Variants in LRRC4C observed in about 807,000 individuals in gnomAD.
The protein encoded by LRRC4C is leucine-rich repeat-containing protein 4C.
In LRRC4C, 5 loss-of-function variants were observed where a neutral mutation model predicts 33.6. The ratio of observed to expected loss-of-function variants is 0.15; its 90% CI spans 0.08 to 0.31. LRRC4C has a LOEUF of 0.31. Ranked by LOEUF, LRRC4C falls within the 10% of genes least tolerant of loss-of-function variation. LRRC4C has a pLI of 1.00. For missense variants in LRRC4C, 560 were observed against 796.7 expected (o/e 0.70, Z 3.58); for synonymous variants, 329 against 302.0 (o/e 1.09, Z -0.93).
chr11:41,206,311 C>T (rs1032697370), intron 1 of LRRC4C, among the ~76,000 whole-genome samples: 1 of 152,156 alleles, frequency 6.6e-6, no homozygotes, highest in Non-Finnish European at 1.5e-5. Context: ...AAAGCTGTTT[C>T]TCACAGGCAG....
intron 3 of LRRC4C, among the ~76,000 whole-genome samples, chr11:40,490,903 C>G (rs139773195): frequency 2.0e-5 from 3 of 152,024 alleles, no homozygotes; most frequent in Non-Finnish European, 4.4e-5. Flanking sequence ...ATATGGATTA[C>G]TCCTGAGTGA....
intron 5 of LRRC4C, among the ~76,000 whole-genome samples, chr11:40,197,907 G>A (rs1862394003): frequency 6.6e-6 from 1 of 152,090 alleles, no homozygotes; most frequent in African/African-American, 2.4e-5. Flanking sequence ...CCTATTATGT[G>A]CCAAATACTA....
intron 2 of LRRC4C, among the ~76,000 whole-genome samples, chr11:40,675,085 T>A (rs931427250): frequency 3.3e-5 from 5 of 152,154 alleles, no homozygotes; most frequent in Non-Finnish European, 5.9e-5. Context: ...ACTTTTAAAT[T>A]TATTTCATTG....
intron 1 of LRRC4C, among the ~76,000 whole-genome samples, chr11:41,404,468 ATGTGTGTGTGTGTC>A (rs1225097683): frequency 3.1e-5 from 4 of 127,478 alleles, no homozygotes; most frequent in Admixed American, 1.5e-4. Context: ...CCCCAGGGCT[ATGTGTGTGTGTGTC>A]TGTGTGTGTG....
chr11:41,011,799 T>A (rs1396350338), intron 1 of LRRC4C, among the ~76,000 whole-genome samples: 6 of 142,322 alleles, frequency 4.2e-5, no homozygotes, highest in Admixed American at 2.8e-4. Context: ...CACTTAAAAT[T>A]AAAAAAAAAA....
intron 1 of LRRC4C, among the ~76,000 whole-genome samples, chr11:41,227,767 G>A (rs1947607427): frequency 1.3e-5 from 2 of 151,998 alleles, no homozygotes; most frequent in Non-Finnish European, 2.9e-5. Flanking sequence ...TTTCTCCTCA[G>A]AGTGAAAGCC....
chr11:40,840,206 C>T (rs4427557), intron 2 of LRRC4C, among the ~76,000 whole-genome samples: 5,256 of 152,184 alleles, frequency 0.035, 140 homozygotes, highest in Admixed American at 0.085. Context: ...AGTATTAAGA[C>T]AGCAAATCCT....
At chr11:40,675,713 T>A (rs2136297657) in intron 2 of LRRC4C, among the ~76,000 whole-genome samples, 1 of 152,316 alleles carries the variant, frequency 6.6e-6, no homozygotes, top group South Asian at 2.1e-4. Flanking sequence ...ACTCAACAAC[T>A]ATTTACAGAA....
chr11:41,030,776 T>C (rs1856678881), intron 1 of LRRC4C, among the ~76,000 whole-genome samples: 1 of 151,774 alleles, frequency 6.6e-6, no homozygotes, highest in South Asian at 2.1e-4. Flanking sequence ...TGTATGTATA[T>C]AAATCTGTGG....
In LRRC4C at chr11:40,147,926, G is replaced by A. The variant is rs534289785; in HGVS notation, c.-95-7073C>T. 6.6e-5 allele frequency among the ~76,000 whole-genome samples: 10 copies of A among 152,126 alleles called. No homozygotes were observed. The East Asian group carries it at 1.7e-3, about 26-fold the overall frequency. ...CTCACCCTGATAGGCCCCAGTGTGT[G>A]TTGTTCCCCTCTGTGTGTCCATGTG... On this transcript the variant is annotated intron_variant, in intron 5 of 6. Coordinates refer to ENST00000528697, the MANE Select transcript of LRRC4C (RefSeq NM_001258419.2).
intron 3 of LRRC4C, among the ~76,000 whole-genome samples, chr11:40,445,143 T>G (rs993191226): frequency 2.0e-5 from 3 of 152,138 alleles, no homozygotes; most frequent in Admixed American, 6.6e-5. Context: ...CCTATAAAAA[T>G]CTCAGTTTTG....
intron 1 of LRRC4C, among the ~76,000 whole-genome samples, chr11:40,984,363 AAAAGAAAGAAAGAAAG>A (rs61226519): frequency 0.011 from 1,329 of 120,378 alleles, 11 homozygotes; most frequent in Non-Finnish European, 0.015. Context: ...AAAGAAAGAA[AAAAGAAAGAAAGAAAG>A]AAAGAAAGAA....
At chr11:40,315,777 T>C (rs1945545544) in intron 4 of LRRC4C, among the ~76,000 whole-genome samples, 1 of 151,978 alleles carries the variant, frequency 6.6e-6, no homozygotes, top group Non-Finnish European at 1.5e-5. Context: ...ACGTAACATA[T>C]AGGTCTCTGA....
chr11:41,379,301 C>G (rs190371207), intron 1 of LRRC4C, among the ~76,000 whole-genome samples: 117 of 152,088 alleles, frequency 7.7e-4, no homozygotes, highest in African/African-American at 2.8e-3. Flanking sequence ...CAGAAAGCAC[C>G]CTCCCATCAC....
intron 5 of LRRC4C, among the ~76,000 whole-genome samples, chr11:40,232,721 A>G (rs939272177): frequency 2.6e-5 from 4 of 152,214 alleles, no homozygotes; most frequent in Admixed American, 6.5e-5. Context: ...TTCCAAGTTC[A>G]TGAACTAAAT....
At chr11:40,443,628 A>T (rs555994515) in intron 3 of LRRC4C, among the ~76,000 whole-genome samples, 1 of 152,234 alleles carries the variant, frequency 6.6e-6, no homozygotes, top group Non-Finnish European at 1.5e-5. Flanking sequence ...TACATAGCAT[A>T]TTTTCATCAC....
chr11:41,081,145 A>C (rs1939540059), intron 1 of LRRC4C, among the ~76,000 whole-genome samples: 1 of 152,292 alleles, frequency 6.6e-6, no homozygotes, highest in Non-Finnish European at 1.5e-5. Flanking sequence ...AAGTTTTCTT[A>C]ATGGAAAGTT....
intron 1 of LRRC4C, among the ~76,000 whole-genome samples, chr11:41,214,206 C>A (rs2136332575): frequency 6.6e-6 from 1 of 152,176 alleles, no homozygotes; most frequent in South Asian, 2.1e-4. Context: ...CTTCAATCAC[C>A]ATTGGCAGTC....
At chr11:41,167,849 G>C (rs1209513197) in intron 1 of LRRC4C, among the ~76,000 whole-genome samples, 2 of 152,132 alleles carry the variant, frequency 1.3e-5, no homozygotes, top group Non-Finnish European at 2.9e-5. Flanking sequence ...ATTATGTACT[G>C]AATGGGATGT....
Sources: gnomAD v4.1 joint callset for allele counts (sites outside exome capture counted in the v4.1 genomes callset) on GRCh38, gnomAD v4.1.1 for gene constraint, MANE v1.5 for transcripts, NCBI Gene and HGNC (gene_info 2026-07-23, HGNC 2026-07-21) for gene names.